The following PPIP5K2 variants were observed in gnomAD, a reference collection of about 807,000 sequenced individuals.
The protein encoded by PPIP5K2 is inositol hexakisphosphate and diphosphoinositol-pentakisphosphate kinase 2.
Under a neutral mutation model 154.6 loss-of-function variants are expected in PPIP5K2, and 105 were observed. The ratio of observed to expected loss-of-function variants is 0.68; its 90% CI spans 0.58 to 0.80. The LOEUF (loss-of-function observed/expected upper bound fraction) is 0.80. PPIP5K2 is among the 30% of genes least tolerant of loss of function. PPIP5K2 has a pLI of 0.00. For synonymous variants in PPIP5K2, 480 were observed against 490.3 expected (o/e 0.98, Z 0.28); for missense variants, 992 against 1,504.6 (o/e 0.66, Z 5.64).
At chr5:103,198,476 G>A (rs1466761383) in intron 30 of PPIP5K2, among the ~76,000 whole-genome samples, 1 of 152,146 alleles carries the variant, frequency 6.6e-6, no homozygotes, top group Non-Finnish European at 1.5e-5. Flanking sequence ...GGAAGGGATT[G>A]ATTGTGCTAT....
At chr5:103,177,603 C>T in intron 21 of PPIP5K2, 64 bp from the exon 22 acceptor site, 2 of 1,089,774 alleles carry the variant, frequency 1.8e-6, no homozygotes, top group Non-Finnish European at 2.7e-6. Flanking sequence ...ACCATAGTGA[C>T]AATAAAGTGA....
At chr5:103,153,763 G>A (rs1554212050) in intron 10 of PPIP5K2, 85 bp from the exon 11 acceptor site, 14 of 879,802 alleles carry the variant, frequency 1.6e-5, no homozygotes, top group Admixed American at 5.3e-5. Flanking sequence ...GCTTTAAATA[G>A]ATGACTAAAT....
intron 30 of PPIP5K2, among the ~76,000 whole-genome samples, chr5:103,195,662 C>G (rs1051922906): frequency 3.3e-5 from 5 of 152,042 alleles, no homozygotes; most frequent in African/African-American, 1.2e-4. Context: ...TATCTTATTC[C>G]TCTACTTTTC....
rs781791997 is a variant in PPIP5K2 at position 103,173,949 on chromosome 5, C to T, written c.2506C>T (p.Leu836Phe). The T allele has an allele frequency of 1.3e-6, 2 of 1,598,386 alleles. No individual in the cohort carries two copies. The highest frequency in any genetic ancestry group is 1.1e-5 in the South Asian group (1 of 90,598). The stretch of plus-strand genomic sequence containing the variant: ...TCATGTACATTCTTTGCTGTCTATT[C>T]TTCGCTATGGTGCCTTATGCAATGT... Reference protein sequence around the residue: ...ESHVHSLLSILRYGALCNESK... With the variant: ...ESHVHSLLSIFRYGALCNESK... The change falls in exon 21 of 31, where the codon CTT (leucine) becomes TTT (phenylalanine). Residue 836 changes from leucine (L) to phenylalanine (F), a missense_variant. Coordinates refer to ENST00000358359, the MANE Select transcript of PPIP5K2 (RefSeq NM_001276277.3).
rs782305980 is a variant in PPIP5K2, at chr5:103,148,080, A to G, written c.744+48A>G. ...TTAGTTTTATATTTCAAGTTTACCA[A>G]TGATATCAGAAAAAGTAGTTAATCT... On this transcript the variant is annotated intron_variant, in intron 7 of 30. Transcript: ENST00000358359. The G allele has an allele frequency of 3.9e-6, 5 of 1,285,014 alleles. No homozygotes were observed. The African/African-American group carries it at 7.5e-5, about 19-fold the overall frequency. 79.6% of individuals were successfully genotyped at this position (1,285,014 alleles called of 1,614,324 possible). A position where few individuals can be genotyped will look rare whatever the true frequency, so the allele number is the denominator to read the frequency against.
chr5:103,167,394 C>A (rs1393946537), intron 18 of PPIP5K2, 74 bp downstream of exon 18: 2 of 1,236,886 alleles, frequency 1.6e-6, no homozygotes, highest in Non-Finnish European at 2.2e-6. Context: ...TATGATGCAC[C>A]AATCTTGTTG....
chr5:103,173,125 T>C lies in PPIP5K2; in HGVS notation c.2287-30T>C, dbSNP rs1798209200. 1.9e-6 allele frequency: 3 copies of C among 1,543,910 alleles called. No homozygotes were observed. The Admixed American group carries it at 6.2e-5, about 32-fold the overall frequency. On this transcript the variant is annotated intron_variant, in intron 19 of 30. Transcript: ENST00000358359. ...TTTAGAGTACTTTGTCATTATATCC[T>C]TTTTCTAATGTCATGTATTTTTTGC...
chr5:103,176,932 T>A (rs954058256), intron 21 of PPIP5K2: 13 of 1,437,262 alleles, frequency 9.0e-6, no homozygotes, highest in African/African-American at 7.1e-5. Flanking sequence ...AGAATTTACA[T>A]ATGCCTCCTT....
Position 103,129,675 on chromosome 5 carries a change from A to G in PPIP5K2, c.86A>G (p.Asp29Gly), listed in dbSNP as rs782769236. 2 of 1,608,362 alleles carry G rather than the reference A, an allele frequency of 1.2e-6. No individual in the cohort carries two copies. The highest frequency in any genetic ancestry group is 1.7e-6 in the Non-Finnish European group (2 of 1,178,072). The change falls in exon 2 of 31, where the codon GAT becomes GGT. Residue 29 changes from aspartate to glycine, a missense_variant. By Grantham distance (94) the Asp-to-Gly change is moderately conservative. Coordinates refer to ENST00000358359, the MANE Select transcript of PPIP5K2 (RefSeq NM_001276277.3). The stretch of plus-strand genomic sequence containing the variant: ...TATCGACATTTCTTCCACCATGCAG[A>G]TGAAGACGATGAGGAGGAAGATGAT... ...GNYRHFFHHA[D>G]EDDEEEDDSP...
intron 13 of PPIP5K2, among the ~76,000 whole-genome samples, chr5:103,155,274 A>G (rs1485412403): frequency 6.6e-6 from 1 of 151,936 alleles, no homozygotes; most frequent in African/African-American, 2.4e-5. Flanking sequence ...TTAATCAAGT[A>G]AAATGGATAC....
intron 26 of PPIP5K2, among the ~76,000 whole-genome samples, chr5:103,185,781 T>G (rs1327759308): frequency 6.6e-6 from 1 of 152,136 alleles, no homozygotes; most frequent in Non-Finnish European, 1.5e-5. Flanking sequence ...GAAAAGGACC[T>G]GGTCTCACAA....
intron 5 of PPIP5K2, among the ~76,000 whole-genome samples, chr5:103,146,129 T>C (rs954996648): frequency 6.6e-6 from 1 of 152,104 alleles, no homozygotes; most frequent in African/African-American, 2.4e-5. Flanking sequence ...ATTGCTGGCT[T>C]ACTTTGCATA....
chr5:103,162,223 G>T (rs1796378096), intron 17 of PPIP5K2, among the ~76,000 whole-genome samples: 1 of 151,808 alleles, frequency 6.6e-6, no homozygotes, highest in Non-Finnish European at 1.5e-5. Flanking sequence ...TCTGTGAATT[G>T]TCTATGTTTT....
Position 103,183,248 on chromosome 5 carries a change from G to A in PPIP5K2, c.2937G>A (p.Leu979=), listed in dbSNP as rs111813327. The stretch of plus-strand genomic sequence containing the variant: ...CTCACTTCCAGGAAGAGAGCCCCCT[G>A]AGTGTGTCTAGCCCAGAGGGTACTG... ...KTATNDEESP[L]SVSSPEGTGT... Residue 979 remains leucine, a synonymous_variant, in exon 25 of 31, where the codon CTG becomes CTA. Transcript: ENST00000358359. 14 of 1,153,138 alleles carry A rather than the reference G, an allele frequency of 1.2e-5. No homozygotes were observed. The African/African-American group carries it at 1.6e-4, about 13-fold the overall frequency. 71.4% of individuals were successfully genotyped at this position (1,153,138 alleles called of 1,614,324 possible). A position where few individuals can be genotyped will look rare whatever the true frequency, so the allele number is the denominator to read the frequency against.
chr5:103,193,985 C>T lies in PPIP5K2; in HGVS notation c.3494-915C>T, dbSNP rs575599211. On this transcript the variant is annotated intron_variant, in intron 29 of 30. Coordinates refer to ENST00000358359, the MANE Select transcript of PPIP5K2 (RefSeq NM_001276277.3). ...AAAGACTCAACTTTAAAATTCCCTTCCTCTCATTTAGTTAAATTTCAACTG... is the reference window on the plus strand; with the variant it reads ...AAAGACTCAACTTTAAAATTCCCTTTCTCTCATTTAGTTAAATTTCAACTG... 5.9e-5 allele frequency among the ~76,000 whole-genome samples: 9 copies of T among 152,308 alleles called. No individual in the cohort carries two copies. The South Asian group carries it at 1.9e-3, about 32-fold the overall frequency.
intron 21 of PPIP5K2, among the ~76,000 whole-genome samples, chr5:103,174,548 C>T (rs1646598674): frequency 6.6e-6 from 1 of 152,026 alleles, no homozygotes; most frequent in African/African-American, 2.4e-5. Context: ...GCTGGGACCT[C>T]AGCTGCGGTT....
Position 103,188,977 on chromosome 5 carries a change from G to T in PPIP5K2, c.3352+1601G>T, listed in dbSNP as rs191512780. 1.9e-4 allele frequency: 81 copies of T among 419,488 alleles called. 1 individual carries two copies. The highest frequency in any genetic ancestry group is 6.8e-4 in the Admixed American group (16 of 23,386). 26.0% of individuals were successfully genotyped at this position (419,488 alleles called of 1,614,324 possible). A position where few individuals can be genotyped will look rare whatever the true frequency, so the allele number is the denominator to read the frequency against. On this transcript the variant is annotated intron_variant, in intron 28 of 30. Coordinates refer to ENST00000358359, the MANE Select transcript of PPIP5K2 (RefSeq NM_001276277.3). The stretch of plus-strand genomic sequence containing the variant: ...TCCTTTTTTCCTTTTTTAATATTGT[G>T]TTGTCTTATCTGTCCTATGAATTGT...
chr5:103,153,003 G>A (rs1207972704), intron 10 of PPIP5K2, among the ~76,000 whole-genome samples: 2 of 151,702 alleles, frequency 1.3e-5, no homozygotes, highest in Non-Finnish European at 3.0e-5. Flanking sequence ...GTACCAATAG[G>A]AATGTTACTT....
rs781867597 is a variant in PPIP5K2 at position 103,149,259 on chromosome 5, T to A, written c.852T>A (p.Val284=). Residue 284 remains valine (V), a synonymous_variant, in exon 8 of 31, where the codon GTT becomes GTA. Transcript: ENST00000358359. ...DSEGKEVRYP[V]ILNAREKLIA... ...AAGGAAAAGAAGTAAGATACCCTGT[T>A]ATTCTCAATGCACGAGAGAAATTAA... 1.2e-6 allele frequency: 2 copies of A among 1,613,796 alleles called. No individual in the cohort carries two copies. Among genetic ancestry groups the A allele is most frequent in the South Asian group, 2.2e-5 (2 of 91,070 alleles).
Sources: allele counts gnomAD v4.1 joint callset (sites outside exome capture counted in the v4.1 genomes callset), GRCh38; gene constraint gnomAD v4.1.1; transcripts MANE v1.5; gene names NCBI Gene and HGNC (gene_info 2026-07-23, HGNC 2026-07-21).